The following AXDND1 variants were observed in gnomAD, a reference collection of about 807,000 sequenced individuals.
The protein encoded by AXDND1 is axonemal dynein light chain domain containing 1.
In AXDND1, 110 loss-of-function variants were observed where a neutral mutation model predicts 137.5. The ratio of observed to expected loss-of-function variants is 0.80; its 90% CI spans 0.69 to 0.94. The LOEUF is 0.94. Among genes scored for constraint, AXDND1 ranks in the 40% least tolerant of loss-of-function variants. The pLI is 0.00. For synonymous variants in AXDND1, 414 were observed against 399.7 expected, an observed-to-expected ratio of 1.04 and a Z score of -0.43; for missense variants, 1,191 against 1,169.8, an observed-to-expected ratio of 1.02 and a Z score of -0.26.
intron 12 of AXDND1, among the ~76,000 whole-genome samples, chr1:179,418,181 GGTGATGACTCTTAACGAGCATGCT>G (rs1181305845): frequency 6.6e-6 from 1 of 151,614 alleles, no homozygotes; most frequent in Non-Finnish European, 1.5e-5. Flanking sequence ...ATTAGGGAGT[GGTGATGACTCTTAACGAGCATGCT>G]GCCTTCAAGC....
At chr1:179,473,542 G>A (rs977210028) in intron 17 of AXDND1, among the ~76,000 whole-genome samples, 1 of 152,144 alleles carries the variant, frequency 6.6e-6, no homozygotes, top group Non-Finnish European at 1.5e-5. Context: ...CTTAATTCTA[G>A]TGACATATAG....
chr1:179,445,784 A>G (rs946179635), intron 16 of AXDND1, among the ~76,000 whole-genome samples: 3 of 152,212 alleles, frequency 2.0e-5, no homozygotes, highest in Non-Finnish European at 4.4e-5. Flanking sequence ...CTTTTTGACT[A>G]TTATGAATAT....
chr1:179,514,136 C>G (rs192977758), intron 21 of AXDND1, among the ~76,000 whole-genome samples: 4 of 151,836 alleles, frequency 2.6e-5, no homozygotes, highest in Non-Finnish European at 4.4e-5. Context: ...GTTCTTGTTT[C>G]TCTAGTTCCT....
At chr1:179,508,158 C>T (rs931631024) in intron 20 of AXDND1, among the ~76,000 whole-genome samples, 3 of 151,956 alleles carry the variant, frequency 2.0e-5, no homozygotes, top group Admixed American at 6.6e-5. Context: ...GGAGTACAAG[C>T]CCAGCCTGGG....
At chr1:179,552,625 G>T in intron 25 of AXDND1, 1 of 1,613,738 alleles carries the variant, frequency 6.2e-7, no homozygotes, top group Non-Finnish European at 8.5e-7. Context: ...TTGTCTTTGC[G>T]CTTCAGCCTC....
At chr1:179,375,524 G>GCATTATATATGTATATATGTATATATA (rs1440518072) in intron 4 of AXDND1, among the ~76,000 whole-genome samples, 3 of 150,288 alleles carry the variant, frequency 2.0e-5, no homozygotes, top group Non-Finnish European at 3.0e-5. Flanking sequence ...GTATACATAT[G>GCATTATATATGTATATATGTATATATA]CATTATATAT....
intron 25 of AXDND1, chr1:179,544,687 A>AG (rs1292017971): frequency 6.6e-6 from 1 of 151,348 alleles, no homozygotes; most frequent in Admixed American, 6.6e-5. Flanking sequence ...AAAAAAAAAA[A>AG]AAGAAAAAGA....
intron 11 of AXDND1, among the ~76,000 whole-genome samples, chr1:179,405,337 T>A (rs1160578327): frequency 6.6e-6 from 1 of 152,200 alleles, no homozygotes; most frequent in African/African-American, 2.4e-5. Context: ...GACATTTGGG[T>A]TGGTTCCAAA....
intron 15 of AXDND1, among the ~76,000 whole-genome samples, chr1:179,442,030 A>G (rs996433127): frequency 6.6e-6 from 1 of 152,294 alleles, no homozygotes; most frequent in African/African-American, 2.4e-5. Flanking sequence ...TAACAACTTA[A>G]ACTCTAGTGG....
At chr1:179,464,151 G>T (rs1461306680) in intron 16 of AXDND1, among the ~76,000 whole-genome samples, 2 of 152,160 alleles carry the variant, frequency 1.3e-5, no homozygotes, top group Non-Finnish European at 2.9e-5. Flanking sequence ...ATTTGATCCT[G>T]TCATTATGCT....
chr1:179,503,094 TAA>T (rs11397892), intron 20 of AXDND1, among the ~76,000 whole-genome samples: 28 of 136,782 alleles, frequency 2.0e-4, no homozygotes, highest in African/African-American at 3.2e-4. Context: ...AAACTCCGTG[TAA>T]AAAAAAAAAA....
At chr1:179,417,665 C>T (rs1654902644) in intron 12 of AXDND1, among the ~76,000 whole-genome samples, 1 of 151,808 alleles carries the variant, frequency 6.6e-6, no homozygotes. Context: ...CTGCTTTGTT[C>T]TTTTTGCACA....
chr1:179,545,767 T>C (rs145115429), intron 25 of AXDND1: 1 of 152,324 alleles, frequency 6.6e-6, no homozygotes, highest in East Asian at 1.9e-4. Context: ...AAATACCATG[T>C]CAGCTCCATT....
intron 16 of AXDND1, chr1:179,455,953 C>CAA (rs1558205418): frequency 5.5e-3 from 946 of 171,422 alleles, no homozygotes; most frequent in South Asian, 0.012. Context: ...AGCATGGGTG[C>CAA]CAAAAAAAAA....
intron 12 of AXDND1, among the ~76,000 whole-genome samples, chr1:179,429,160 G>A (rs962699498): frequency 6.8e-6 from 1 of 147,790 alleles, no homozygotes; most frequent in African/African-American, 2.5e-5. Context: ...CTGGGTGACA[G>A]AGCAAGACAC....
rs1280578914 is a variant in AXDND1 at position 179,473,807 on chromosome 1, C to T, written c.1997+5166C>T. Among the ~76,000 whole-genome samples the T allele has an allele frequency of 3.3e-5, 5 of 152,168 alleles. No individual in the cohort carries two copies. The East Asian group carries it at 9.6e-4, about 29-fold the overall frequency. On this transcript the variant is annotated intron_variant, in intron 17 of 25. Coordinates refer to ENST00000367618, the MANE Select transcript of AXDND1 (RefSeq NM_144696.6). Reference sequence around the variant, plus strand: ...GCCTGCACCTCTATCTTTCCTGCCACCTTGTGAAGAAGGAACTTGCTTCTT... The same window carrying T: ...GCCTGCACCTCTATCTTTCCTGCCATCTTGTGAAGAAGGAACTTGCTTCTT...
intron 22 of AXDND1, among the ~76,000 whole-genome samples, chr1:179,526,080 C>G (rs969587343): frequency 6.6e-6 from 1 of 151,512 alleles, no homozygotes; most frequent in African/African-American, 2.4e-5. Context: ...TTTTTTAGCC[C>G]TTCATTGCCA....
intron 23 of AXDND1, among the ~76,000 whole-genome samples, chr1:179,532,530 A>G (rs1273216487): frequency 6.6e-6 from 1 of 152,224 alleles, no homozygotes; most frequent in Admixed American, 6.5e-5. Flanking sequence ...AAAAGAAGCA[A>G]CAAAACAGAA....
At position 179,366,402 on chromosome 1, in the gene AXDND1, A is replaced by C; in HGVS notation, c.-106-2A>C. ...TTTAAATCTTTTTTCCTCTGCCTGCAGGACTATGTGGCAGCCTGCAAGTCC... is the reference window on the plus strand; with the variant it reads ...TTTAAATCTTTTTTCCTCTGCCTGCCGGACTATGTGGCAGCCTGCAAGTCC... On this transcript the variant is annotated splice_acceptor_variant, in intron 1 of 25. Coordinates refer to ENST00000367618, the MANE Select transcript of AXDND1 (RefSeq NM_144696.6). LOFTEE classifies it low-confidence loss of function (5UTR_SPLICE). The C allele has an allele frequency of 1.3e-6, 1 of 746,132 alleles. No individual in the cohort carries two copies. 46.2% of individuals were successfully genotyped at this position (746,132 alleles called of 1,614,324 possible).
Sources: gnomAD v4.1 joint callset for allele counts (sites outside exome capture counted in the v4.1 genomes callset) on GRCh38, gnomAD v4.1.1 for gene constraint, MANE v1.5 for transcripts, NCBI Gene and HGNC (gene_info 2026-07-23, HGNC 2026-07-21) for gene names.